The following GSG1L variants were observed in gnomAD, a reference collection of about 807,000 sequenced individuals.
The protein encoded by GSG1L is germ cell-specific gene 1-like protein.
A neutral mutation model predicts 42.1 loss-of-function variants in GSG1L; 24 were observed. That is an observed-to-expected ratio of 0.57 (90% CI 0.41 to 0.80). The LOEUF is 0.80. Ranked by LOEUF, GSG1L falls within the 30% of genes least tolerant of loss-of-function variation. GSG1L has a pLI of 0.00. For missense variants in GSG1L, 445 were observed against 472.2 expected (o/e 0.94, Z 0.53); for synonymous variants, 215 against 203.5 (o/e 1.06, Z -0.48).
At chr16:28,052,022 G>A (rs2086227042) in intron 1 of GSG1L, among the ~76,000 whole-genome samples, 4 of 152,138 alleles carry the variant, frequency 2.6e-5, no homozygotes, top group African/African-American at 9.7e-5. Context: ...GTGAGACTCT[G>A]GATGTGTTTG....
chr16:27,990,278 T>C (rs982813549), intron 1 of GSG1L, among the ~76,000 whole-genome samples: 11 of 152,202 alleles, frequency 7.2e-5, no homozygotes, highest in Admixed American at 2.0e-4. Flanking sequence ...AAGTATACAC[T>C]TGTGAGCAAA....
At chr16:27,986,986 G>A (rs987507455) in intron 1 of GSG1L, among the ~76,000 whole-genome samples, 2 of 152,212 alleles carry the variant, frequency 1.3e-5, no homozygotes, top group African/African-American at 4.8e-5. Flanking sequence ...GGAGGCCAAG[G>A]CGGGCAGATC....
intron 1 of GSG1L, among the ~76,000 whole-genome samples, chr16:28,062,659 G>A (rs1428028234): frequency 6.6e-6 from 1 of 152,148 alleles, no homozygotes; most frequent in African/African-American, 2.4e-5. Flanking sequence ...CCACCCCCAG[G>A]GGCGTTCCGG....
At chr16:27,937,872 G>A (rs115074553) in intron 2 of GSG1L, among the ~76,000 whole-genome samples, 10 of 152,170 alleles carry the variant, frequency 6.6e-5, no homozygotes, top group African/African-American at 2.2e-4. Flanking sequence ...TGATTACCAG[G>A]GGTCTTCCCT....
At chr16:27,903,004 G>A (rs577140528) in intron 2 of GSG1L, among the ~76,000 whole-genome samples, 201 of 152,200 alleles carry the variant, frequency 1.3e-3, no homozygotes, top group African/African-American at 4.5e-3. Flanking sequence ...AAGCAGTGGC[G>A]GCCAGGCGAG....
intron 2 of GSG1L, among the ~76,000 whole-genome samples, chr16:27,921,976 ATTG>A (rs1390409643): frequency 2.2e-5 from 3 of 133,396 alleles, no homozygotes; most frequent in South Asian, 2.5e-4. Context: ...CTCTGTTTTT[ATTG>A]TTGTTGTTGT....
In GSG1L at chr16:27,884,649, G is replaced by C; in HGVS notation, c.398-11C>G. The C allele has an allele frequency of 6.4e-7, 1 of 1,566,030 alleles. No individual in the cohort carries two copies. Among genetic ancestry groups the C allele is most frequent in the Non-Finnish European group, 8.7e-7 (1 of 1,155,080 alleles). ...ACAGCCACAGGACCCCTGTCCAACAGAGGCAGAGAGGCCGTGAGATGAGGG... is the reference window on the plus strand; with the variant it reads ...ACAGCCACAGGACCCCTGTCCAACACAGGCAGAGAGGCCGTGAGATGAGGG... On this transcript the variant is annotated splice_polypyrimidine_tract_variant and intron_variant, in intron 2 of 6. Coordinates refer to ENST00000447459, the MANE Select transcript of GSG1L (RefSeq NM_001109763.2). The surrounding 1 kb of genome is among the most constrained non-coding windows in gnomAD (Gnocchi z 4.4).
At chr16:28,058,636 ACAAAC>A (rs781377571) in intron 1 of GSG1L, among the ~76,000 whole-genome samples, 3 of 135,684 alleles carry the variant, frequency 2.2e-5, no homozygotes, top group African/African-American at 5.5e-5. Flanking sequence ...AAAAAAAAAA[ACAAAC>A]AAACCATGTC....
Position 27,888,927 on chromosome 16 carries a change from G to GATAGATATAGATATAGATAGATATAGAT in GSG1L, c.398-4290_398-4289insATCTATATCTATCTATATCTATATCTAT, listed in dbSNP as rs1555506431. 5.1e-4 allele frequency among the ~76,000 whole-genome samples: 73 copies of GATAGATATAGATATAGATAGATATAGAT among 142,200 alleles called. 2 individuals carry two copies. The highest frequency in any genetic ancestry group is 1.1e-3 in the Admixed American group (15 of 13,762). The allele number at this position is 142,200 out of a possible 152,430, so 93.3% of individuals were successfully genotyped here. On this transcript the variant is annotated intron_variant, in intron 2 of 6. Transcript: ENST00000447459. ...GCTGCACCCAGCTGGCTTGTGCTTA[G>GATAGATATAGATATAGATAGATATAGAT]ATAGATATAGATATAGATATAGATA...
At position 27,931,869 on chromosome 16, in the gene GSG1L, A is replaced by G. The variant is rs529137706; in HGVS notation, c.397+31287T>C. Among the ~76,000 whole-genome samples, 3 of 152,334 alleles carry G rather than the reference A, an allele frequency of 2.0e-5. 1 individual carries two copies. Among genetic ancestry groups the G allele is most frequent in the African/African-American group, 7.2e-5 (3 of 41,574 alleles). ...GAATCAGGCGGGTGTTGGGTTAGGT[A>G]TAGACACAGCCACATGGATAATCTC... On this transcript the variant is annotated intron_variant, in intron 2 of 6. Transcript: ENST00000447459.
intron 2 of GSG1L, among the ~76,000 whole-genome samples, chr16:27,907,280 A>G (rs1295251071): frequency 6.6e-6 from 1 of 152,206 alleles, no homozygotes; most frequent in Non-Finnish European, 1.5e-5. Context: ...GCTGACTCTT[A>G]AGAGCATTGT....
Position 27,791,058 on chromosome 16 carries a change from G to A in GSG1L, c.*312C>T, listed in dbSNP as rs2082745366. The stretch of plus-strand genomic sequence containing the variant: ...GCTTGTGGGTGCCAGCCATTCAGTG[G>A]CCAGTGGCCATGTGTCTCCTGGCAT... On this transcript the variant is annotated 3_prime_UTR_variant, in exon 7 of 7. Coordinates refer to ENST00000447459, the MANE Select transcript of GSG1L (RefSeq NM_001109763.2). The A allele has an allele frequency of 7.9e-6, 2 of 252,168 alleles. No individual in the cohort carries two copies. The highest frequency in any genetic ancestry group is 3.5e-4 in the South Asian group (2 of 5,714). The allele number at this position is 252,168 out of a possible 1,614,324, so 15.6% of individuals were successfully genotyped here.
intron 1 of GSG1L, among the ~76,000 whole-genome samples, chr16:27,969,808 T>G (rs1183113602): frequency 1.3e-5 from 2 of 152,268 alleles, no homozygotes; most frequent in Non-Finnish European, 2.9e-5. Flanking sequence ...GATGCATCAT[T>G]CTATGTTCCC....
chr16:27,991,534 A>G (rs1049808066), intron 1 of GSG1L, among the ~76,000 whole-genome samples: 13 of 151,280 alleles, frequency 8.6e-5, no homozygotes, highest in African/African-American at 3.2e-4. Flanking sequence ...CCTCCCGAGT[A>G]GCTGGGATTA....
At chr16:27,999,120 C>G (rs2085552041) in intron 1 of GSG1L, among the ~76,000 whole-genome samples, 2 of 152,200 alleles carry the variant, frequency 1.3e-5, no homozygotes, top group Non-Finnish European at 2.9e-5. Context: ...ATCACAATGC[C>G]TGGAGCATAA....
chr16:27,944,040 A>G (rs1185430586), intron 2 of GSG1L, among the ~76,000 whole-genome samples: 1 of 152,190 alleles, frequency 6.6e-6, no homozygotes, highest in Non-Finnish European at 1.5e-5. Context: ...CTTGTTAGAA[A>G]GTGAAGCAAG....
At chr16:27,937,395 C>T (rs1344405370) in intron 2 of GSG1L, among the ~76,000 whole-genome samples, 1 of 152,024 alleles carries the variant, frequency 6.6e-6, no homozygotes, top group Non-Finnish European at 1.5e-5. Flanking sequence ...GTGCCCACCA[C>T]CATGCCCAGC....
chr16:27,995,871 T>G (rs1277514845), intron 1 of GSG1L, among the ~76,000 whole-genome samples: 1 of 143,920 alleles, frequency 6.9e-6, no homozygotes, highest in Non-Finnish European at 1.5e-5. Context: ...AGGAAGTTCC[T>G]GTACTGATTA....
At chr16:28,044,291 G>A (rs1447528150) in intron 1 of GSG1L, among the ~76,000 whole-genome samples, 1 of 147,890 alleles carries the variant, frequency 6.8e-6, no homozygotes, top group Non-Finnish European at 1.5e-5. Context: ...GCAGGAGGAT[G>A]GGAAAGAGAG....
Sources: allele counts gnomAD v4.1 joint callset (sites outside exome capture counted in the v4.1 genomes callset), GRCh38; gene constraint gnomAD v4.1.1; non-coding constraint Gnocchi (gnomAD v3.1); transcripts MANE v1.5; gene names NCBI Gene and HGNC (gene_info 2026-07-23, HGNC 2026-07-21).